Variants in SERPINE3 observed in about 807,000 individuals in gnomAD.
SERPINE3 encodes the protein serpin E3.
In SERPINE3, 43 loss-of-function variants were observed where a neutral mutation model predicts 41.7. That is an observed-to-expected ratio of 1.03 (90% CI 0.81 to 1.33). The LOEUF is 1.33. SERPINE3 is among the 40% of genes most tolerant of loss of function. The pLI is 0.00. For synonymous variants in SERPINE3, 200 were observed against 192.2 expected, an observed-to-expected ratio of 1.04 and a Z score of -0.34; for missense variants, 440 against 491.7, an observed-to-expected ratio of 0.89 and a Z score of 0.99.
At chr13:51,353,167 A>G (rs1448237603) in intron 6 of SERPINE3, among the ~76,000 whole-genome samples, 3 of 152,162 alleles carry the variant, frequency 2.0e-5, no homozygotes, top group Non-Finnish European at 4.4e-5. Context: ...CAATCACTCT[A>G]ATCTTTTATA....
intron 4 of SERPINE3, among the ~76,000 whole-genome samples, chr13:51,345,231 G>A (rs189132886): frequency 4.3e-4 from 65 of 152,248 alleles, no homozygotes; most frequent in Admixed American, 4.6e-4. Flanking sequence ...CCTGCCCAGG[G>A]TCCACAGGCC....
At position 51,364,411 on chromosome 13, in the gene SERPINE3, T is replaced by C. The variant is rs1955645175; in HGVS notation, c.*129T>C. ...TAAGGGTATGTGATTTTCAATATTA[T>C]AAACCTAAAAATACTTCAGTTTTTA... On this transcript the variant is annotated 3_prime_UTR_variant, in exon 10 of 10. Coordinates refer to ENST00000681248, the MANE Select transcript of SERPINE3 (RefSeq NM_001386375.1). 2 of 506,806 alleles carry C rather than the reference T, an allele frequency of 3.9e-6. No homozygotes were observed. Among genetic ancestry groups the C allele is most frequent in the Admixed American group, 7.7e-5 (2 of 26,010 alleles). The allele number at this position is 506,806 out of a possible 1,614,324, so 31.4% of individuals were successfully genotyped here.
intron 6 of SERPINE3, among the ~76,000 whole-genome samples, chr13:51,349,226 A>C (rs1955382348): frequency 6.6e-6 from 1 of 152,196 alleles, no homozygotes; most frequent in African/African-American, 2.4e-5. Flanking sequence ...CAGTAGGCAA[A>C]GGCAAAGTCC....
rs80169797 is a variant in SERPINE3, at chr13:51,347,048, G to C, written c.514G>C (p.Gly172Arg). The C allele has an allele frequency of 1.6e-3, 2,619 of 1,589,698 alleles. 29 individuals carry two copies. The African/African-American group carries it at 0.029, about 18-fold the overall frequency. ...AGGTGGGGGCCCCAGTGAGGGCCCT[G>C]GTGGCTGGCCGTGGGAGCAAGTCAG... ...TAGGGPSEGP[G>R]GWPWEQVSAA... Residue 172 changes from glycine (G) to arginine (R), a missense_variant, in exon 5 of 10, where the codon GGT (glycine) becomes CGT (arginine). Physicochemically the swap from Gly to Arg is moderately radical, Grantham distance 125 (BLOSUM62 -2). Transcript: ENST00000681248.
At chr13:51,361,922 G>A in intron 9 of SERPINE3, 29 bp downstream of exon 9, 1 of 1,611,854 alleles carries the variant, frequency 6.2e-7, no homozygotes, top group Non-Finnish European at 8.5e-7. Context: ...ACAGGATTCA[G>A]ATAATTTATC....
chr13:51,347,792 A>G (rs915454339), intron 5 of SERPINE3, among the ~76,000 whole-genome samples: 1 of 152,146 alleles, frequency 6.6e-6, no homozygotes, highest in Non-Finnish European at 1.5e-5. Flanking sequence ...TGTCTACAGT[A>G]TGCCCGTTGG....
intron 7 of SERPINE3, among the ~76,000 whole-genome samples, chr13:51,357,643 G>A (rs1344591471): frequency 6.6e-6 from 1 of 151,644 alleles, no homozygotes; most frequent in Non-Finnish European, 1.5e-5. Context: ...TTATCTCAAG[G>A]CCCAGCTGAA....
intron 9 of SERPINE3, chr13:51,362,804 T>A (rs1288605273): frequency 6.6e-6 from 1 of 152,444 alleles, no homozygotes; most frequent in Non-Finnish European, 1.5e-5. Context: ...CATCCTGCTG[T>A]ACCTTGTGCT....
At chr13:51,348,136 C>T in intron 5 of SERPINE3, 77 bp from the exon 6 acceptor site, 2 of 1,130,470 alleles carry the variant, frequency 1.8e-6, no homozygotes, top group Non-Finnish European at 2.5e-6. Context: ...TCTGAGCCAG[C>T]CTCTCTCAGG....
intron 4 of SERPINE3, among the ~76,000 whole-genome samples, chr13:51,346,130 G>A (rs1234854253): frequency 6.6e-6 from 1 of 152,204 alleles, no homozygotes; most frequent in Non-Finnish European, 1.5e-5. Flanking sequence ...TTAGAACAGA[G>A]CCTATCACAA....
At chr13:51,344,882 A>G (rs950237739) in intron 4 of SERPINE3, among the ~76,000 whole-genome samples, 1 of 152,208 alleles carries the variant, frequency 6.6e-6, no homozygotes, top group Non-Finnish European at 1.5e-5. Flanking sequence ...AGCCAAAAAA[A>G]GTGGTTTCCT....
At chr13:51,363,163 T>C (rs1315807835) in intron 9 of SERPINE3, 1 of 151,940 alleles carries the variant, frequency 6.6e-6, no homozygotes, top group Non-Finnish European at 1.5e-5. Flanking sequence ...GAGATTCTGA[T>C]TTTGGAATTC....
At chr13:51,361,206 A>G in intron 7 of SERPINE3, 72 bp from the exon 8 acceptor site, 1 of 973,080 alleles carries the variant, frequency 1.0e-6, no homozygotes, top group Non-Finnish European at 1.6e-6. Flanking sequence ...GTACATTTTT[A>G]AAGAATGTGT....
intron 9 of SERPINE3, chr13:51,362,934 A>C (rs1438999901): frequency 6.6e-6 from 1 of 152,192 alleles, no homozygotes; most frequent in Non-Finnish European, 1.5e-5. Flanking sequence ...CTAGTATTTC[A>C]CCATGATCAT....
intron 9 of SERPINE3, chr13:51,362,137 A>ATT (rs372324956): frequency 1.0e-4 from 104 of 1,025,460 alleles, no homozygotes; most frequent in South Asian, 1.3e-4. Context: ...GTTAATGTAG[A>ATT]TTTTTTTTTT....
chr13:51,353,109 T>C (rs1210227166), intron 6 of SERPINE3, among the ~76,000 whole-genome samples: 1 of 152,202 alleles, frequency 6.6e-6, no homozygotes, highest in Non-Finnish European at 1.5e-5. Context: ...TTTACTCAAG[T>C]TATTTTTGTA....
chr13:51,359,019 T>C (rs924431309), intron 7 of SERPINE3, among the ~76,000 whole-genome samples: 4 of 152,104 alleles, frequency 2.6e-5, no homozygotes, highest in African/African-American at 9.7e-5. Flanking sequence ...AGTCCCCTAC[T>C]GAAAACAAAA....
intron 4 of SERPINE3, among the ~76,000 whole-genome samples, chr13:51,344,935 C>G (rs1673052381): frequency 1.3e-5 from 2 of 152,176 alleles, no homozygotes; most frequent in African/African-American, 4.8e-5. Context: ...AAGTTACACA[C>G]AATAAGATGT....
intron 9 of SERPINE3, chr13:51,362,976 A>G (rs1223875114): frequency 6.6e-6 from 1 of 152,010 alleles, no homozygotes; most frequent in Non-Finnish European, 1.5e-5. Context: ...TGAAAATATC[A>G]CTTATCACCC....
Sources: allele counts gnomAD v4.1 joint callset (sites outside exome capture counted in the v4.1 genomes callset), GRCh38; gene constraint gnomAD v4.1.1; transcripts MANE v1.5; gene names NCBI Gene and HGNC (gene_info 2026-07-23, HGNC 2026-07-21).